SH3RF3: variants seen among roughly 807,000 people sequenced by gnomAD.
SH3RF3 encodes SH3 domain containing ring finger 3.
A neutral mutation model predicts 66.3 loss-of-function variants in SH3RF3; 29 were observed. That is an observed-to-expected ratio of 0.44 (90% CI 0.33 to 0.60). The LOEUF (loss-of-function observed/expected upper bound fraction) is 0.60, where lower values mean the gene tolerates loss of function less well. Ranked by LOEUF, SH3RF3 falls within the 20% of genes least tolerant of loss-of-function variation. The probability of loss-of-function intolerance (pLI) is 0.04; values close to 1 mark genes in which losing one functional copy is unlikely to be tolerated. For missense variants in SH3RF3, 1,194 were observed against 1,190.9 expected (o/e 1.00, Z -0.04); for synonymous variants, 583 against 532.0 (o/e 1.10, Z -1.32).
At chr2:109,248,779 T>TTCTC (rs139792016) in intron 1 of SH3RF3, among the ~76,000 whole-genome samples, 2,905 of 151,760 alleles carry the variant, frequency 0.019, 107 homozygotes, top group African/African-American at 0.066. Flanking sequence ...TTTCTCTTCT[T>TTCTC]TCTGTCTTTC....
At chr2:109,370,373 G>A (rs530304435) in intron 2 of SH3RF3, among the ~76,000 whole-genome samples, 1 of 152,120 alleles carries the variant, frequency 6.6e-6, no homozygotes, top group African/African-American at 2.4e-5. Flanking sequence ...CCAAGTAGCT[G>A]GGACTACAGG....
intron 1 of SH3RF3, among the ~76,000 whole-genome samples, chr2:109,237,212 A>G (rs1215132405): frequency 1.3e-5 from 2 of 152,258 alleles, no homozygotes; most frequent in African/African-American, 4.8e-5. Flanking sequence ...AAACTACTAA[A>G]ACCAGACCAC....
chr2:109,478,612 C>A (rs1678752591), intron 8 of SH3RF3, among the ~76,000 whole-genome samples: 1 of 152,208 alleles, frequency 6.6e-6, no homozygotes, highest in South Asian at 2.1e-4. Flanking sequence ...TTTCTGTCAA[C>A]TTTTCCTAAG....
At chr2:109,140,668 A>G (rs1419774980) in intron 1 of SH3RF3, among the ~76,000 whole-genome samples, 1 of 152,208 alleles carries the variant, frequency 6.6e-6, no homozygotes, top group African/African-American at 2.4e-5. Context: ...GGCGTGAGCC[A>G]CCATGCCCGG....
intron 1 of SH3RF3, among the ~76,000 whole-genome samples, chr2:109,189,058 C>T (rs1397555449): frequency 6.6e-6 from 1 of 152,144 alleles, no homozygotes; most frequent in Non-Finnish European, 1.5e-5. Flanking sequence ...GGAGTCCCTC[C>T]AGTGGAAACC....
intron 8 of SH3RF3, among the ~76,000 whole-genome samples, chr2:109,451,223 T>C (rs1156982541): frequency 6.6e-6 from 1 of 152,246 alleles, no homozygotes. Flanking sequence ...ACAGCTGCTC[T>C]GTGTTTTGTG....
At chr2:109,149,717 G>A (rs1015829535) in intron 1 of SH3RF3, among the ~76,000 whole-genome samples, 5 of 152,228 alleles carry the variant, frequency 3.3e-5, no homozygotes, top group African/African-American at 7.2e-5. Flanking sequence ...TGGTGCTTAC[G>A]TTCTAATTGG....
intron 1 of SH3RF3, among the ~76,000 whole-genome samples, chr2:109,141,961 A>G (rs765365918): frequency 1.3e-5 from 2 of 151,850 alleles, no homozygotes; most frequent in Non-Finnish European, 2.9e-5. Flanking sequence ...GTCTCAAACA[A>G]ACTTCTGTGA....
intron 2 of SH3RF3, among the ~76,000 whole-genome samples, chr2:109,366,104 C>A (rs1559045181): frequency 1.3e-5 from 2 of 152,172 alleles, no homozygotes; most frequent in Non-Finnish European, 2.9e-5. Context: ...AAGTGTTCCA[C>A]CTCTTCTATC....
intron 1 of SH3RF3, among the ~76,000 whole-genome samples, chr2:109,251,923 G>A (rs570472061): frequency 2.0e-5 from 3 of 152,090 alleles, no homozygotes; most frequent in South Asian, 2.1e-4. Flanking sequence ...TTCTTAAATC[G>A]GCAAAAGTAC....
Position 109,224,717 on chromosome 2 carries a change from C to T in SH3RF3, c.573+94604C>T, listed in dbSNP as rs187874501. ...TACTAAAATACAAAAATTAGCCCAG[C>T]ATGGTGGTGGGCACCTGTAATCCCA... is the stretch of plus-strand genomic sequence containing the variant. On this transcript the variant is annotated intron_variant, in intron 1 of 9. Transcript: ENST00000309415. Among the ~76,000 whole-genome samples the T allele has an allele frequency of 2.9e-3, 444 of 152,306 alleles. 2 individuals are homozygous for T. Among genetic ancestry groups the T allele is most frequent in the African/African-American group, 0.01 (419 of 41,572 alleles).
chr2:109,150,871 AT>A (rs1202248633), intron 1 of SH3RF3, among the ~76,000 whole-genome samples: 2 of 152,250 alleles, frequency 1.3e-5, no homozygotes, highest in Non-Finnish European at 2.9e-5. Context: ...GTGAAAAAAA[AT>A]ATGGGCATAT....
intron 1 of SH3RF3, among the ~76,000 whole-genome samples, chr2:109,266,113 G>C (rs748541392): frequency 2.6e-5 from 4 of 151,288 alleles, no homozygotes; most frequent in African/African-American, 9.7e-5. Context: ...TGTGTTGTGT[G>C]TATGTGTATT....
At chr2:109,211,683 C>T (rs1678984334) in intron 1 of SH3RF3, among the ~76,000 whole-genome samples, 1 of 147,136 alleles carries the variant, frequency 6.8e-6, no homozygotes, top group African/African-American at 2.5e-5. Context: ...CTCGCTCTGT[C>T]ACCCAGGGTG....
At chr2:109,173,026 T>C (rs934144336) in intron 1 of SH3RF3, among the ~76,000 whole-genome samples, 1 of 152,268 alleles carries the variant, frequency 6.6e-6, no homozygotes, top group African/African-American at 2.4e-5. Flanking sequence ...AAAGTCTGTG[T>C]TGGTCATCCC....
chr2:109,220,952 A>C lies in SH3RF3; in HGVS notation c.573+90839A>C, dbSNP rs72952038. On this transcript the variant is annotated intron_variant, in intron 1 of 9. Coordinates refer to ENST00000309415, the MANE Select transcript of SH3RF3 (RefSeq NM_001099289.3). ...CAAATGAATTGTGAACCGGGACTGAAACAGATATGTGTACACCAATGTTCA... is the reference window on the plus strand; with the variant it reads ...CAAATGAATTGTGAACCGGGACTGACACAGATATGTGTACACCAATGTTCA... Among the ~76,000 whole-genome samples the C allele has an allele frequency of 8.9e-3, 1,353 of 152,362 alleles. 19 individuals carry two copies. Among genetic ancestry groups the C allele is most frequent in the African/African-American group, 0.031 (1,294 of 41,580 alleles).
intron 7 of SH3RF3, among the ~76,000 whole-genome samples, chr2:109,448,105 C>A (rs1158286729): frequency 6.6e-6 from 1 of 152,176 alleles, no homozygotes; most frequent in African/African-American, 2.4e-5. Context: ...AGTGTGGAAA[C>A]CAAGGACCAG....
intron 1 of SH3RF3, among the ~76,000 whole-genome samples, chr2:109,224,349 C>T (rs984877320): frequency 3.9e-5 from 6 of 152,166 alleles, no homozygotes; most frequent in South Asian, 4.1e-4. Context: ...TTTTCAGATA[C>T]GCATGTGGGA....
intron 1 of SH3RF3, among the ~76,000 whole-genome samples, chr2:109,153,227 A>G (rs1177688159): frequency 1.3e-5 from 2 of 152,228 alleles, no homozygotes; most frequent in African/African-American, 4.8e-5. Flanking sequence ...GAATGAGTAC[A>G]TTCATTTCTA....
Sources: gnomAD v4.1 joint callset for allele counts (sites outside exome capture counted in the v4.1 genomes callset) on GRCh38, gnomAD v4.1.1 for gene constraint, MANE v1.5 for transcripts, NCBI Gene and HGNC (gene_info 2026-07-23, HGNC 2026-07-21) for gene names.